FBN2: variants seen among roughly 807,000 people sequenced by gnomAD.
FBN2 encodes fibrillin 2, also known as fibrillin-2.
FBN2 carries 105 observed loss-of-function variants against 355.6 expected under a neutral mutation model. That is an observed-to-expected ratio of 0.30 (90% CI 0.25 to 0.35). The LOEUF is 0.35. Ranked by LOEUF, FBN2 falls within the 10% of genes least tolerant of loss-of-function variation. The pLI is 1.00. For missense variants in FBN2, 3,280 were observed against 3,758.7 expected, an observed-to-expected ratio of 0.87 and a Z score of 3.33; for synonymous variants, 1,350 against 1,301.2, an observed-to-expected ratio of 1.04 and a Z score of -0.81.
chr5:128,378,152 T>A (rs1283393083), intron 12 of FBN2, among the ~76,000 whole-genome samples: 1 of 151,918 alleles, frequency 6.6e-6, no homozygotes, highest in African/African-American at 2.4e-5. Flanking sequence ...TGGTTGCAGC[T>A]GTTTTTCACA....
At chr5:128,284,701 C>T (rs768068121) in intron 55 of FBN2, among the ~76,000 whole-genome samples, 1 of 152,208 alleles carries the variant, frequency 6.6e-6, no homozygotes, top group Non-Finnish European at 1.5e-5. Flanking sequence ...TCGTGTGGCT[C>T]TGATAAAGTT....
At chr5:128,339,605 G>T (rs1237650323) in intron 25 of FBN2, among the ~76,000 whole-genome samples, 2 of 152,102 alleles carry the variant, frequency 1.3e-5, no homozygotes, top group Admixed American at 6.5e-5. Context: ...AAAAGAAAAA[G>T]AAAGAAATGT....
At chr5:128,478,198 G>C (rs527354501) in intron 5 of FBN2, among the ~76,000 whole-genome samples, 3 of 152,184 alleles carry the variant, frequency 2.0e-5, no homozygotes, top group Admixed American at 1.3e-4. Flanking sequence ...GGAGGTTGCA[G>C]TGGTGCTGTT....
chr5:128,533,353 C>T (rs2112805498), intron 2 of FBN2, among the ~76,000 whole-genome samples: 1 of 152,248 alleles, frequency 6.6e-6, no homozygotes, highest in Admixed American at 6.5e-5. Flanking sequence ...ATTTACCTGT[C>T]GTGGATACAG....
intron 19 of FBN2, 75 bp from the exon 20 acceptor site, chr5:128,357,470 A>G: frequency 6.4e-7 from 1 of 1,565,862 alleles, no homozygotes; most frequent in Non-Finnish European, 8.8e-7. Flanking sequence ...CAAGCCATGC[A>G]ATGCCAGAAT....
At position 128,291,226 on chromosome 5, in the gene FBN2, T is replaced by A. The variant is rs6871353; in HGVS notation, c.6292+303A>T. ...AGTAAGTTACATCACATCAAAAGCATCACATACACCAACAAACAAAAAAGC... is the reference window on the plus strand; with the variant it reads ...AGTAAGTTACATCACATCAAAAGCAACACATACACCAACAAACAAAAAAGC... On this transcript the variant is annotated intron_variant, in intron 49 of 64. Coordinates refer to ENST00000262464, the MANE Select transcript of FBN2 (RefSeq NM_001999.4). 0.042 allele frequency among the ~76,000 whole-genome samples: 6,339 copies of A among 152,020 alleles called. 453 individuals carry two copies. The highest frequency in any genetic ancestry group is 0.14 in the African/African-American group (5,976 of 41,426).
chr5:128,291,757 T>C, intron 48 of FBN2, 103 bp from the exon 49 acceptor site: 7 of 1,072,858 alleles, frequency 6.5e-6, no homozygotes, highest in Non-Finnish European at 1.0e-5. Flanking sequence ...AGACAAGAGA[T>C]ATTACGTTGT....
At chr5:128,441,257 C>T (rs1753911793) in intron 7 of FBN2, among the ~76,000 whole-genome samples, 1 of 152,162 alleles carries the variant, frequency 6.6e-6, no homozygotes, top group South Asian at 2.1e-4. Context: ...CCACAAAATG[C>T]AATGGGCAAA....
intron 34 of FBN2, among the ~76,000 whole-genome samples, chr5:128,325,125 C>T (rs531119084): frequency 2.0e-5 from 3 of 152,192 alleles, no homozygotes; most frequent in African/African-American, 7.2e-5. Flanking sequence ...TCTATTAGGT[C>T]CACTTGGTCC....
chr5:128,285,969 G>C (rs1749136347), intron 55 of FBN2, among the ~76,000 whole-genome samples: 1 of 152,126 alleles, frequency 6.6e-6, no homozygotes, highest in Admixed American at 6.6e-5. Context: ...TTCATGTACA[G>C]TAAGAAGACA....
At chr5:128,364,565 G>A (rs371138170) in intron 18 of FBN2, 35 bp downstream of exon 18, 1 of 1,595,874 alleles carries the variant, frequency 6.3e-7, no homozygotes, top group East Asian at 2.2e-5. Flanking sequence ...TAAACTATAT[G>A]AAATGTTCTT....
rs1581207647 is a variant in FBN2 at position 128,311,348 on chromosome 5, C to G, written c.5026G>C (p.Glu1676Gln). Residue 1676 changes from glutamate (E) to glutamine (Q), a missense_variant, in exon 39 of 65, where the codon GAG (glutamate) becomes CAG (glutamine). Glu to Gln is a conservative substitution (Grantham distance 29, BLOSUM62 2). Around this residue, in one of 6 missense-constraint regions of FBN2, gnomAD observed 2,284 missense variants for 2,749.5 expected, o/e 0.83. Transcript: ENST00000262464. Reference sequence around the variant, plus strand: ...CTGAGGTAGTAGCCTTGTGGGCACTCACACTGGAAGCTCCCAAAAGTGTTG... The same window carrying G: ...CTGAGGTAGTAGCCTTGTGGGCACTGACACTGGAAGCTCCCAAAAGTGTTG... ...CINTFGSFQC[E>Q]CPQGYYLSED... The G allele has an allele frequency of 6.2e-7, 1 of 1,613,984 alleles. No individual in the cohort carries two copies. The highest frequency in any genetic ancestry group is 1.3e-5 in the African/African-American group (1 of 74,932).
At chr5:128,497,096 A>T (rs951809116) in intron 5 of FBN2, among the ~76,000 whole-genome samples, 2 of 152,196 alleles carry the variant, frequency 1.3e-5, no homozygotes, top group African/African-American at 2.4e-5. Context: ...AAAAGAACAA[A>T]TTGAACAATG....
chr5:128,289,121 A>T lies in FBN2; in HGVS notation c.6637+6T>A. ...TAAAATTCTGTAATGTGGAGCCAAC[A>T]CTCACCCACACAGCGTACTCCAGTG... On this transcript the variant is annotated splice_donor_region_variant and intron_variant, in intron 52 of 64. Coordinates refer to ENST00000262464, the MANE Select transcript of FBN2 (RefSeq NM_001999.4). 1 of 1,613,892 alleles carries T rather than the reference A, an allele frequency of 6.2e-7. No individual in the cohort carries two copies. Among genetic ancestry groups the T allele is most frequent in the Non-Finnish European group, 8.5e-7 (1 of 1,179,838 alleles).
chr5:128,516,557 G>C (rs1449130337), intron 5 of FBN2, among the ~76,000 whole-genome samples: 1 of 152,096 alleles, frequency 6.6e-6, no homozygotes, highest in East Asian at 1.9e-4. Flanking sequence ...AGCCCAGACA[G>C]CTAGAAAAGC....
intron 11 of FBN2, among the ~76,000 whole-genome samples, chr5:128,382,456 C>T (rs529421410): frequency 2.4e-4 from 36 of 152,188 alleles, no homozygotes; most frequent in African/African-American, 8.7e-4. Flanking sequence ...TCCTGTTGTT[C>T]AGCTTGGGAC....
Position 128,293,676 on chromosome 5 carries a change from A to G in FBN2, c.6167-2022T>C, listed in dbSNP as rs993400607. 3.3e-5 allele frequency among the ~76,000 whole-genome samples: 5 copies of G among 152,230 alleles called. No individual in the cohort carries two copies. The East Asian group carries it at 9.6e-4, about 29-fold the overall frequency. On this transcript the variant is annotated intron_variant, in intron 48 of 64. Coordinates refer to ENST00000262464, the MANE Select transcript of FBN2 (RefSeq NM_001999.4). ...AAAGGTAGCCAAGACTGCCTAATACAAGGAGGCATATGTATTTCTATTTCC... is the reference window on the plus strand; with the variant it reads ...AAAGGTAGCCAAGACTGCCTAATACGAGGAGGCATATGTATTTCTATTTCC...
chr5:128,400,332 T>C (rs922518711), intron 8 of FBN2, among the ~76,000 whole-genome samples: 1 of 152,094 alleles, frequency 6.6e-6, no homozygotes, highest in African/African-American at 2.4e-5. Flanking sequence ...ATATGGCAGA[T>C]ACTTTTAAAC....
At chr5:128,275,725 GCAA>G (rs141966777) in intron 59 of FBN2, among the ~76,000 whole-genome samples, 193 of 152,100 alleles carry the variant, frequency 1.3e-3, no homozygotes, top group Middle Eastern at 3.4e-3. Flanking sequence ...GCTTAGATAA[GCAA>G]CAACAACAAA....
Sources: gnomAD v4.1 joint callset for allele counts (sites outside exome capture counted in the v4.1 genomes callset) on GRCh38, gnomAD v4.1.1 for gene constraint, gnomAD v4.1.1 regional missense constraint, MANE v1.5 for transcripts, NCBI Gene and HGNC (gene_info 2026-07-23, HGNC 2026-07-21) for gene names.